CSMD1: variants seen among roughly 807,000 people sequenced by gnomAD.
The protein encoded by CSMD1 is CUB and sushi domain-containing protein 1.
CSMD1 carries 213 observed loss-of-function variants against 417.5 expected under a neutral mutation model. The observed-to-expected ratio is 0.51, with a 90% CI of 0.46 to 0.57. The LOEUF is 0.57. Among genes scored for constraint, CSMD1 ranks in the 20% least tolerant of loss-of-function variants. CSMD1 has a pLI of 0.00. For missense variants in CSMD1, 6,923 were observed against 4,529.7 expected, an observed-to-expected ratio of 1.53 and a Z score of -15.17; for synonymous variants, 2,862 against 1,736.8, an observed-to-expected ratio of 1.65 and a Z score of -16.11.
chr8:4,769,189 C>A (rs760991386), intron 1 of CSMD1, among the ~76,000 whole-genome samples: 2 of 152,106 alleles, frequency 1.3e-5, no homozygotes, highest in South Asian at 4.1e-4. Context: ...GCTAATAACA[C>A]CACATACCTC....
chr8:4,548,198 C>T (rs1467489771), intron 2 of CSMD1, among the ~76,000 whole-genome samples: 1 of 152,038 alleles, frequency 6.6e-6, no homozygotes, highest in Non-Finnish European at 1.5e-5. Flanking sequence ...CCTAACATAG[C>T]GCCGTCAAAA....
intron 3 of CSMD1, among the ~76,000 whole-genome samples, chr8:4,263,278 C>T (rs1804010245): frequency 6.6e-6 from 1 of 152,066 alleles, no homozygotes; most frequent in Non-Finnish European, 1.5e-5. Context: ...ATTTCTTAAA[C>T]AAAAATGTAC....
At chr8:4,941,548 A>T (rs1035536320) in intron 1 of CSMD1, among the ~76,000 whole-genome samples, 2 of 151,490 alleles carry the variant, frequency 1.3e-5, no homozygotes, top group African/African-American at 4.8e-5. Flanking sequence ...GTCTTTGTCA[A>T]TTTTTTTCAT....
intron 1 of CSMD1, among the ~76,000 whole-genome samples, chr8:4,889,114 C>T (rs572341724): frequency 1.5e-4 from 23 of 152,066 alleles, no homozygotes; most frequent in African/African-American, 4.1e-4. Context: ...GTGCAATGTC[C>T]GAAAGTATCA....
chr8:3,172,649 T>C (rs1414712390), intron 37 of CSMD1, among the ~76,000 whole-genome samples: 13 of 151,938 alleles, frequency 8.6e-5, no homozygotes, highest in Admixed American at 8.5e-4. Context: ...ACAGGACACT[T>C]AAGGGGGGCA....
intron 1 of CSMD1, among the ~76,000 whole-genome samples, chr8:4,843,272 C>T (rs113063303): frequency 6.4e-4 from 97 of 152,224 alleles, no homozygotes; most frequent in Non-Finnish European, 9.9e-4. Context: ...CAAAAACATC[C>T]CATCTATGGC....
intron 10 of CSMD1, among the ~76,000 whole-genome samples, chr8:3,536,843 T>A (rs1798221341): frequency 6.6e-6 from 1 of 152,188 alleles, no homozygotes; most frequent in African/African-American, 2.4e-5. Context: ...GGTCCCACGG[T>A]CCGTGTTCTG....
At chr8:4,209,451 G>C (rs903803588) in intron 3 of CSMD1, among the ~76,000 whole-genome samples, 3 of 152,140 alleles carry the variant, frequency 2.0e-5, no homozygotes, top group African/African-American at 7.2e-5. Context: ...GCCAAGTGAG[G>C]ACATTGTCAC....
intron 54 of CSMD1, among the ~76,000 whole-genome samples, chr8:2,989,309 T>A (rs1234128484): frequency 6.6e-6 from 1 of 152,204 alleles, no homozygotes; most frequent in Non-Finnish European, 1.5e-5. Context: ...AACATGCATA[T>A]AAATTCTGTG....
intron 10 of CSMD1, among the ~76,000 whole-genome samples, chr8:3,549,398 G>C (rs775220271): frequency 3.3e-5 from 5 of 152,212 alleles, no homozygotes; most frequent in Admixed American, 6.5e-5. Context: ...ACTCTGGCCT[G>C]ATGATGGGAG....
chr8:4,942,310 T>G (rs1342388034), intron 1 of CSMD1, among the ~76,000 whole-genome samples: 1 of 152,046 alleles, frequency 6.6e-6, no homozygotes, highest in East Asian at 1.9e-4. Context: ...CTCTGTGAAT[T>G]CTTGCCTAAC....
chr8:4,761,836 C>CATCT (rs72078338), intron 1 of CSMD1, among the ~76,000 whole-genome samples: 5,232 of 118,924 alleles, frequency 0.044, 158 homozygotes, highest in East Asian at 0.056. Context: ...TAGTACCATG[C>CATCT]ATCTATCTAT....
chr8:4,886,807 T>A (rs930100197), intron 1 of CSMD1, among the ~76,000 whole-genome samples: 28 of 152,090 alleles, frequency 1.8e-4, no homozygotes, highest in Non-Finnish European at 2.4e-4. Flanking sequence ...AATATTTTTA[T>A]TTCTGTAAAA....
chr8:4,129,248 T>A (rs1012353810), intron 3 of CSMD1, among the ~76,000 whole-genome samples: 1 of 152,144 alleles, frequency 6.6e-6, no homozygotes, highest in Non-Finnish European at 1.5e-5. Context: ...TCTGAGGATG[T>A]CTCCTGGGGA....
At chr8:3,587,231 G>A (rs1038158855) in intron 8 of CSMD1, among the ~76,000 whole-genome samples, 1 of 152,178 alleles carries the variant, frequency 6.6e-6, no homozygotes, top group Non-Finnish European at 1.5e-5. Flanking sequence ...AACACAAACT[G>A]GACAGCTGCA....
chr8:3,385,002 T>C (rs868601457), intron 18 of CSMD1, among the ~76,000 whole-genome samples: 5,162 of 67,450 alleles, frequency 0.077, 149 homozygotes, highest in Non-Finnish European at 0.1. Flanking sequence ...ATATGCTATT[T>C]ATATATAAAT....
At chr8:3,627,633 T>A (rs533118249) in intron 7 of CSMD1, among the ~76,000 whole-genome samples, 1 of 152,298 alleles carries the variant, frequency 6.6e-6, no homozygotes, top group East Asian at 1.9e-4. Flanking sequence ...TATAGGGAAC[T>A]ATGAGATAAT....
At chr8:4,143,896 G>A (rs1471216536) in intron 3 of CSMD1, among the ~76,000 whole-genome samples, 2 of 151,120 alleles carry the variant, frequency 1.3e-5, no homozygotes, top group Non-Finnish European at 2.9e-5. Flanking sequence ...TTTGGTCCCT[G>A]GCTAATTAAA....
At chr8:3,770,224 T>C (rs895247552) in intron 5 of CSMD1, among the ~76,000 whole-genome samples, 10 of 152,210 alleles carry the variant, frequency 6.6e-5, no homozygotes, top group African/African-American at 2.4e-4. Context: ...GCTTCTTTCC[T>C]TGGTGCAAGA....
Sources: gnomAD v4.1 joint callset for allele counts (sites outside exome capture counted in the v4.1 genomes callset) on GRCh38, gnomAD v4.1.1 for gene constraint, MANE v1.5 for transcripts, NCBI Gene and HGNC (gene_info 2026-07-23, HGNC 2026-07-21) for gene names.